Variants in SIAH3 observed in about 807,000 individuals in gnomAD.
SIAH3 encodes siah E3 ubiquitin protein ligase family member 3, also known as seven in absentia homolog 3.
SIAH3 carries 9 observed loss-of-function variants against 12.6 expected under a neutral mutation model. That is an observed-to-expected ratio of 0.72 (90% CI 0.43 to 1.25). The LOEUF (loss-of-function observed/expected upper bound fraction) is 1.25, where lower values mean the gene tolerates loss of function less well. SIAH3 is among the 50% of genes most tolerant of loss of function. The probability of loss-of-function intolerance (pLI) is 0.00; values close to 1 mark genes in which losing one functional copy is unlikely to be tolerated. For synonymous variants in SIAH3, 154 were observed against 151.1 expected, an observed-to-expected ratio of 1.02 and a Z score of -0.14; for missense variants, 390 against 365.4, an observed-to-expected ratio of 1.07 and a Z score of -0.55.
In SIAH3 at chr13:45,784,070, A is replaced by C. The variant is rs1950517121; in HGVS notation, c.136-13T>G. Reference sequence around the variant, plus strand: ...GACTGGACACATACTGTAAGGAAAGAGAAGAACGTCAGTGCGGGGATGAGG... The same window carrying C: ...GACTGGACACATACTGTAAGGAAAGCGAAGAACGTCAGTGCGGGGATGAGG... On this transcript the variant is annotated splice_polypyrimidine_tract_variant and intron_variant, in intron 1 of 1. Coordinates refer to ENST00000400405, the MANE Select transcript of SIAH3 (RefSeq NM_198849.3). 1 of 1,561,100 alleles carries C rather than the reference A, an allele frequency of 6.4e-7. No individual in the cohort carries two copies. The highest frequency in any genetic ancestry group is 1.4e-5 in the African/African-American group (1 of 73,748).
chr13:45,813,320 G>A (rs1248540317), intron 1 of SIAH3, among the ~76,000 whole-genome samples: 3 of 152,344 alleles, frequency 2.0e-5, no homozygotes. Flanking sequence ...AGGAGAGAGA[G>A]AGGATGGGAA....
chr13:45,797,065 C>A (rs761684250), intron 1 of SIAH3, among the ~76,000 whole-genome samples: 7 of 151,978 alleles, frequency 4.6e-5, no homozygotes, highest in Non-Finnish European at 8.8e-5. Flanking sequence ...CACTGAGTAT[C>A]TCTAAGGAAC....
At chr13:45,835,400 T>G (rs1439382117) in intron 1 of SIAH3, among the ~76,000 whole-genome samples, 1 of 152,222 alleles carries the variant, frequency 6.6e-6, no homozygotes, top group Non-Finnish European at 1.5e-5. Flanking sequence ...ATGAACTAAG[T>G]GTTCCCTCCT....
intron 1 of SIAH3, among the ~76,000 whole-genome samples, chr13:45,840,731 C>T (rs1011616601): frequency 3.9e-5 from 6 of 152,146 alleles, no homozygotes; most frequent in South Asian, 2.1e-4. Context: ...CCCAGCTCAG[C>T]GTTTTAAAGT....
At chr13:45,830,243 G>C (rs1157728754) in intron 1 of SIAH3, among the ~76,000 whole-genome samples, 2 of 152,164 alleles carry the variant, frequency 1.3e-5, no homozygotes, top group Admixed American at 1.3e-4. Flanking sequence ...GTGGCCACCT[G>C]AGCCTGTACA....
intron 1 of SIAH3, among the ~76,000 whole-genome samples, chr13:45,835,103 C>T (rs1370973474): frequency 6.6e-6 from 1 of 152,164 alleles, no homozygotes; most frequent in East Asian, 1.9e-4. Context: ...CTGATTCTCT[C>T]CCACCACCTC....
chr13:45,783,710 G>A lies in SIAH3; in HGVS notation c.483C>T (p.Ser161=), dbSNP rs1351912069. 1 of 1,614,058 alleles carries A rather than the reference G, an allele frequency of 6.2e-7. No homozygotes were observed. The highest frequency in any genetic ancestry group is 8.5e-7 in the Non-Finnish European group (1 of 1,180,014). Residue 161 remains serine, a synonymous_variant, in exon 2 of 2, where the codon TCC becomes TCT. Transcript: ENST00000400405. ...PAPADWIIMH[S]CLGHHFLLVL... The stretch of plus-strand genomic sequence containing the variant: ...CCAACAGAAAGTGGTGGCCAAGGCA[G>A]GAGTGCATGATGATCCAATCAGCCG...
rs376694319 is a variant in SIAH3 at position 45,783,837 on chromosome 13, C to A, written c.356G>T (p.Arg119Leu). Reference sequence around the variant, plus strand: ...CAGGTGGGGCACCACCACCTCCAGGCGGCCTTCCCACTGGCAGGAGAACAA... The same window carrying A: ...CAGGTGGGGCACCACCACCTCCAGGAGGCCTTCCCACTGGCAGGAGAACAA... ...CPLFSCQWEG[R>L]LEVVVPHLRQ... is the part of the protein sequence containing the mutation. Residue 119 changes from arginine (R) to leucine (L), a missense_variant, in exon 2 of 2, where the codon CGC becomes CTC. By Grantham distance (102) the Arg-to-Leu change is moderately radical. Transcript: ENST00000400405. 1.9e-6 allele frequency: 3 copies of A among 1,614,108 alleles called. No individual in the cohort carries two copies. The highest frequency in any genetic ancestry group is 2.5e-6 in the Non-Finnish European group (3 of 1,179,982).
intron 1 of SIAH3, among the ~76,000 whole-genome samples, chr13:45,844,028 C>T (rs1398927983): frequency 6.6e-6 from 1 of 152,154 alleles, no homozygotes; most frequent in Non-Finnish European, 1.5e-5. Context: ...AGGATTAGTA[C>T]ATTTAGGTTG....
intron 1 of SIAH3, among the ~76,000 whole-genome samples, chr13:45,829,684 C>A (rs979180776): frequency 6.6e-6 from 1 of 152,160 alleles, no homozygotes; most frequent in Non-Finnish European, 1.5e-5. Flanking sequence ...GCTCCCGCCC[C>A]CAGAGATAAC....
At chr13:45,843,034 C>CTGTGTGTG (rs55772614) in intron 1 of SIAH3, among the ~76,000 whole-genome samples, 25 of 139,186 alleles carry the variant, frequency 1.8e-4, no homozygotes, top group African/African-American at 6.1e-4. Flanking sequence ...CTCTCTCTCT[C>CTGTGTGTG]TGTGTGTGTG....
intron 1 of SIAH3, among the ~76,000 whole-genome samples, chr13:45,850,788 T>TA (rs1429416478): frequency 6.6e-5 from 10 of 152,130 alleles, no homozygotes; most frequent in Admixed American, 2.6e-4. Context: ...CCCAGCTGCC[T>TA]AGGGTGCTCC....
At chr13:45,831,302 G>A (rs1247535426) in intron 1 of SIAH3, among the ~76,000 whole-genome samples, 1 of 152,080 alleles carries the variant, frequency 6.6e-6, no homozygotes, top group East Asian at 1.9e-4. Context: ...GTGACAAGGG[G>A]TTGCCAGGAG....
intron 1 of SIAH3, among the ~76,000 whole-genome samples, chr13:45,818,535 G>A (rs188000155): frequency 6.6e-5 from 10 of 152,296 alleles, no homozygotes; most frequent in Admixed American, 3.3e-4. Flanking sequence ...GCAGAACTGC[G>A]CTCCCTCCGG....
intron 1 of SIAH3, among the ~76,000 whole-genome samples, chr13:45,847,309 C>T (rs1244561970): frequency 6.6e-6 from 1 of 152,198 alleles, no homozygotes; most frequent in African/African-American, 2.4e-5. Context: ...CATTGAGCCA[C>T]CTGCTGTGCT....
At chr13:45,844,661 A>T (rs546418028) in intron 1 of SIAH3, among the ~76,000 whole-genome samples, 1 of 152,168 alleles carries the variant, frequency 6.6e-6, no homozygotes, top group Non-Finnish European at 1.5e-5. Context: ...TACATATCTT[A>T]TTGGTTCTAG....
chr13:45,803,355 T>G (rs1418976074), intron 1 of SIAH3, among the ~76,000 whole-genome samples: 1 of 152,224 alleles, frequency 6.6e-6, no homozygotes, highest in Non-Finnish European at 1.5e-5. Flanking sequence ...ACCCAGTGTC[T>G]GTCCACAAAA....
At chr13:45,809,341 G>T (rs1213762576) in intron 1 of SIAH3, among the ~76,000 whole-genome samples, 1 of 151,834 alleles carries the variant, frequency 6.6e-6, no homozygotes, top group Non-Finnish European at 1.5e-5. Flanking sequence ...ATGTTTTTGT[G>T]TCCACAAATC....
At chr13:45,794,360 C>A (rs1268226712) in intron 1 of SIAH3, among the ~76,000 whole-genome samples, 2 of 152,140 alleles carry the variant, frequency 1.3e-5, no homozygotes, top group Non-Finnish European at 2.9e-5. Flanking sequence ...ACCAGAGATA[C>A]AAAGGACGTT....
Sources: allele counts gnomAD v4.1 joint callset (sites outside exome capture counted in the v4.1 genomes callset), GRCh38; gene constraint gnomAD v4.1.1; transcripts MANE v1.5; gene names NCBI Gene and HGNC (gene_info 2026-07-23, HGNC 2026-07-21).